Variants in GALNT13 observed in about 807,000 individuals in gnomAD.
GALNT13 encodes the protein UDP-GalNAc:polypeptide N-acetylgalactosaminyltransferase 13.
GALNT13 carries 28 observed loss-of-function variants against 64.2 expected under a neutral mutation model. The observed-to-expected ratio is 0.44, with a 90% CI of 0.32 to 0.60. GALNT13 has a LOEUF of 0.60. GALNT13 is among the 20% of genes least tolerant of loss of function. The pLI, the probability that GALNT13 is intolerant of heterozygous loss-of-function variation, is 0.05. For synonymous variants in GALNT13, 214 were observed against 224.6 expected (o/e 0.95, Z 0.42); for missense variants, 577 against 669.8 (o/e 0.86, Z 1.53).
At chr2:153,455,368 A>G in the GALNT13 span, among the ~76,000 whole-genome samples, 1 of 152,206 alleles carries the variant, frequency 6.6e-6, no homozygotes, top group East Asian at 1.9e-4. Context: ...GACTTGCCCC[A>G]GGGGTGCCTC....
chr2:153,635,454 G>GTGTATATATATATACACA, the GALNT13 span, among the ~76,000 whole-genome samples: 1 of 145,544 alleles, frequency 6.9e-6, no homozygotes, highest in African/African-American at 2.5e-5. Flanking sequence ...ACATATATAT[G>GTGTATATATATATACACA]TATATGTGTA....
intron 8 of GALNT13, among the ~76,000 whole-genome samples, chr2:154,279,007 G>A (rs62171255): frequency 0.048 from 7,238 of 151,836 alleles, 234 homozygotes; most frequent in Admixed American, 0.11. Flanking sequence ...TTAAATATGC[G>A]GTGATATCTA....
chr2:153,294,953 C>A, the GALNT13 span, among the ~76,000 whole-genome samples: 1 of 152,080 alleles, frequency 6.6e-6, no homozygotes, highest in Non-Finnish European at 1.5e-5. Context: ...TCTTATTGGA[C>A]TGTGAAGAGA....
At chr2:153,216,181 ATATTGTAT>A in the GALNT13 span, among the ~76,000 whole-genome samples, 2 of 152,048 alleles carry the variant, frequency 1.3e-5, no homozygotes, top group African/African-American at 4.8e-5. Flanking sequence ...TCAATGAGTA[ATATTGTAT>A]TGTAGCAACA....
At chr2:154,248,451 A>G (rs575949507) in intron 7 of GALNT13, among the ~76,000 whole-genome samples, 1 of 152,238 alleles carries the variant, frequency 6.6e-6, no homozygotes, top group Non-Finnish European at 1.5e-5. Context: ...TTGACATTTA[A>G]TAATCAAATT....
intron 1 of GALNT13, among the ~76,000 whole-genome samples, chr2:153,896,349 C>A (rs1687896400): frequency 6.6e-6 from 1 of 150,484 alleles, no homozygotes; most frequent in Admixed American, 6.6e-5. Flanking sequence ...TCTCATTCTC[C>A]TGTATTTTAT....
intron 4 of GALNT13, among the ~76,000 whole-genome samples, chr2:154,153,241 C>A (rs966690829): frequency 6.6e-6 from 1 of 152,168 alleles, no homozygotes; most frequent in African/African-American, 2.4e-5. Flanking sequence ...GGCTGCAGAA[C>A]AGTGGATTTT....
chr2:153,099,281 CT>C, the GALNT13 span, among the ~76,000 whole-genome samples: 1 of 152,080 alleles, frequency 6.6e-6, no homozygotes, highest in South Asian at 2.1e-4. Context: ...CCTGATCTGG[CT>C]TTTCAGTTCA....
the GALNT13 span, among the ~76,000 whole-genome samples, chr2:153,602,927 A>G: frequency 2.0e-5 from 3 of 152,044 alleles, no homozygotes; most frequent in East Asian, 5.8e-4. Flanking sequence ...GGAAGAAGAT[A>G]CAAGATGGGT....
At chr2:153,866,968 A>G (rs1399607110), upstream of GALNT13, among the ~76,000 whole-genome samples, 2 of 152,292 alleles carry the variant, frequency 1.3e-5, no homozygotes, top group Non-Finnish European at 2.9e-5. Flanking sequence ...AATTGATTCA[A>G]ATTTTTTTGT....
the GALNT13 span, among the ~76,000 whole-genome samples, chr2:153,412,846 G>A: frequency 6.6e-6 from 1 of 152,134 alleles, no homozygotes; most frequent in African/African-American, 2.4e-5. Context: ...CACTCAGATG[G>A]GTTGGAGATA....
chr2:153,678,082 A>G, the GALNT13 span, among the ~76,000 whole-genome samples: 1 of 151,430 alleles, frequency 6.6e-6, no homozygotes, highest in East Asian at 1.9e-4. Context: ...AAAAAACAAA[A>G]GAAACTCTCA....
At chr2:154,446,561 C>T (rs1241395837) in intron 12 of GALNT13, 1 of 1,523,436 alleles carries the variant, frequency 6.6e-7, no homozygotes, top group Non-Finnish European at 8.8e-7. Context: ...TTTTCTTTGT[C>T]AAACAGACCC....
At chr2:154,282,145 C>G (rs1691995123) in intron 8 of GALNT13, among the ~76,000 whole-genome samples, 1 of 152,126 alleles carries the variant, frequency 6.6e-6, no homozygotes, top group African/African-American at 2.4e-5. Flanking sequence ...ACTTTAACAT[C>G]TCCAAATTAC....
At chr2:154,430,484 TG>T in intron 11 of GALNT13, among the ~76,000 whole-genome samples, 1 of 152,236 alleles carries the variant, frequency 6.6e-6, no homozygotes, top group Admixed American at 6.5e-5. Context: ...CTTTAATGAA[TG>T]AGCATTGCTT....
chr2:154,007,867 T>C (rs1696360447), intron 3 of GALNT13, among the ~76,000 whole-genome samples: 2 of 151,936 alleles, frequency 1.3e-5, no homozygotes. Flanking sequence ...AGGTTGTCTA[T>C]TACCAACTAT....
At chr2:154,233,619 A>C (rs1474579002) in intron 4 of GALNT13, among the ~76,000 whole-genome samples, 1 of 152,212 alleles carries the variant, frequency 6.6e-6, no homozygotes, top group Non-Finnish European at 1.5e-5. Flanking sequence ...CATATAAAAC[A>C]CACAGCACAA....
At chr2:154,367,244 T>A (rs1474611215) in intron 9 of GALNT13, among the ~76,000 whole-genome samples, 1 of 152,096 alleles carries the variant, frequency 6.6e-6, no homozygotes, top group East Asian at 1.9e-4. Context: ...ACAAGGGAGT[T>A]CAAGATGTTA....
At chr2:153,338,230 C>A in the GALNT13 span, among the ~76,000 whole-genome samples, 1 of 152,028 alleles carries the variant, frequency 6.6e-6, no homozygotes, top group African/African-American at 2.4e-5. Context: ...AAGATTGAGG[C>A]TGCAGTGAGC....
Sources: gnomAD v4.1 joint callset for allele counts (sites outside exome capture counted in the v4.1 genomes callset) on GRCh38, gnomAD v4.1.1 for gene constraint, MANE v1.5 for transcripts, NCBI Gene and HGNC (gene_info 2026-07-23, HGNC 2026-07-21) for gene names.